The following F7 variants were observed in gnomAD, a reference collection of about 807,000 sequenced individuals.
The protein encoded by F7 is coagulation factor VII, also known as FVII coagulation protein.
Under a neutral mutation model 47.5 loss-of-function variants are expected in F7, and 38 were observed. The ratio of observed to expected loss-of-function variants is 0.80; its 90% CI spans 0.62 to 1.05. The LOEUF (loss-of-function observed/expected upper bound fraction) is 1.05, where lower values mean the gene tolerates loss of function less well. Ranked by LOEUF, F7 falls within the 50% of genes least tolerant of loss-of-function variation. The probability of loss-of-function intolerance (pLI) is 0.00; values close to 1 mark genes in which losing one functional copy is unlikely to be tolerated. For missense variants in F7, 575 were observed against 605.4 expected (o/e 0.95, Z 0.53); for synonymous variants, 244 against 258.5 (o/e 0.94, Z 0.54).
intron 1 of F7, chr13:113,110,403 GC>G (rs1316363817): frequency 5.2e-6 from 2 of 381,156 alleles, no homozygotes; most frequent in Admixed American, 1.0e-4. Context: ...CGTTTACGCG[GC>G]GGCGCCCGCA....
chr13:113,107,003 G>T, intron 1 of F7: 3 of 1,393,384 alleles, frequency 2.2e-6, no homozygotes, highest in Non-Finnish European at 3.0e-6. Flanking sequence ...AGCCCGCGGG[G>T]TGGCTACTGC....
rs1245134346 is a variant in F7, at chr13:113,120,108, A to G, written c.*1100A>G. 6.6e-6 allele frequency: 1 copy of G among 152,148 alleles called. No individual in the cohort carries two copies. The highest frequency in any genetic ancestry group is 2.4e-5 in the African/African-American group (1 of 41,438). 9.4% of individuals were successfully genotyped at this position (152,148 alleles called of 1,614,324 possible). On this transcript the variant is annotated 3_prime_UTR_variant, in exon 8 of 8. Transcript: ENST00000346342. ...ATGCTCTTTTCTTTCACAATTTTCA[A>G]CATCACTGAAATGAACCCTCACATG...
intron 1 of F7, chr13:113,110,402 G>C (rs1252052365): frequency 2.7e-6 from 1 of 376,444 alleles, no homozygotes; most frequent in Non-Finnish European, 4.8e-6. Context: ...ACGTTTACGC[G>C]GCGGCGCCCG....
Position 113,119,778 on chromosome 13 carries a change from G to A in F7, c.*770G>A, listed in dbSNP as rs3093253. On this transcript the variant is annotated 3_prime_UTR_variant, in exon 8 of 8. Coordinates refer to ENST00000346342, the MANE Select transcript of F7 (RefSeq NM_019616.4). ...ATGCACACACAGATGCACACACACC[G>A]ATGCTGACTCCATGTGTGCTGTCCT... is the stretch of plus-strand genomic sequence containing the variant. 0.12 allele frequency: 17,549 copies of A among 152,530 alleles called. 1,151 individuals carry two copies. The highest frequency in any genetic ancestry group is 0.27 in the South Asian group (1,322 of 4,850). 9.4% of individuals were successfully genotyped at this position (152,530 alleles called of 1,614,324 possible). A position where few individuals can be genotyped will look rare whatever the true frequency, so the allele number is the denominator to read the frequency against.
chr13:113,110,652 G>A (rs1360490143), intron 1 of F7, 38 bp from the exon 2 acceptor site: 3 of 1,547,240 alleles, frequency 1.9e-6, no homozygotes, highest in Admixed American at 2.0e-5. Context: ...ACTGGGCGGG[G>A]CACGCGGTGG....
rs749932188 is a variant in F7, at chr13:113,119,054, C to A, written c.*46C>A. On this transcript the variant is annotated 3_prime_UTR_variant, in exon 8 of 8. Transcript: ENST00000346342. ...GAGAGAAAGCCAAGGCTGCGTCGAACTGTCCTGGCACCAAATCCCATATAT... is the reference window on the plus strand; with the variant it reads ...GAGAGAAAGCCAAGGCTGCGTCGAAATGTCCTGGCACCAAATCCCATATAT... The A allele has an allele frequency of 4.6e-6, 7 of 1,505,856 alleles. No homozygotes were observed. The highest frequency in any genetic ancestry group is 6.3e-6 in the Non-Finnish European group (7 of 1,116,238). The allele number at this position is 1,505,856 out of a possible 1,614,324, so 93.3% of individuals were successfully genotyped here.
chr13:113,109,165 C>G (rs1400777158), intron 1 of F7, among the ~76,000 whole-genome samples: 2 of 63,056 alleles, frequency 3.2e-5, no homozygotes. Context: ...GTCCCGGGGG[C>G]GTGGGTATCC....
chr13:113,116,621 C>A, intron 5 of F7, 145 bp from the exon 6 acceptor site: 1 of 702,418 alleles, frequency 1.4e-6, no homozygotes, highest in East Asian at 2.7e-5. Context: ...TCCACCACCC[C>A]TGGGCCCTGG....
chr13:113,118,741 A>G lies in F7; in HGVS notation c.1068A>G (p.Gly356=), dbSNP rs142587242. 14 of 1,612,944 alleles carry G rather than the reference A, an allele frequency of 8.7e-6. No homozygotes were observed. Among genetic ancestry groups the G allele is most frequent in the Admixed American group, 3.3e-5 (2 of 59,976 alleles). ...GCCTGCAGCAGTCACGGAAGGTGGG[A>G]GACTCCCCAAATATCACGGAGTACA... is the stretch of plus-strand genomic sequence containing the variant. ...QDCLQQSRKV[G]DSPNITEYMF... Residue 356 remains glycine, a synonymous_variant, in exon 8 of 8, where the codon GGA becomes GGG. Coordinates refer to ENST00000346342, the MANE Select transcript of F7 (RefSeq NM_019616.4).
intron 1 of F7, chr13:113,110,484 G>A (rs1444340773): frequency 1.6e-6 from 1 of 620,256 alleles, no homozygotes; most frequent in Non-Finnish European, 2.7e-6. Flanking sequence ...GAAGCAGAGA[G>A]GCCAGGCCGG....
Position 113,110,803 on chromosome 13 carries a change from T to C in F7, c.178T>C (p.Cys60Arg), listed in dbSNP as rs745374448. Residue 60 changes from cysteine (C) to arginine (R), a missense_variant, in exon 2 of 8, where the codon TGC (cysteine) becomes CGC (arginine). Cys to Arg is a radical substitution (Grantham distance 180). Coordinates refer to ENST00000346342, the MANE Select transcript of F7 (RefSeq NM_019616.4). Reference protein sequence around the residue: ...SLERECKEEQCSFEEAREIFK... With the variant: ...SLERECKEEQRSFEEAREIFK... Reference sequence around the variant, plus strand: ...GGAGAGGGAGTGCAAGGAGGAGCAGTGCTCCTTCGAGGAGGCCCGGGAGAT... The same window carrying C: ...GGAGAGGGAGTGCAAGGAGGAGCAGCGCTCCTTCGAGGAGGCCCGGGAGAT... The C allele has an allele frequency of 5.8e-6, 9 of 1,557,118 alleles. No individual in the cohort carries two copies. The South Asian group carries it at 1.1e-4, about 18-fold the overall frequency.
rs567196732 is a variant in F7 at position 113,117,354 on chromosome 13, C to T, written c.616-119C>T. On this transcript the variant is annotated intron_variant, in intron 6 of 7. Coordinates refer to ENST00000346342, the MANE Select transcript of F7 (RefSeq NM_019616.4). ...TGCCTGGGAGGGATCTGCAAAGACC[C>T]CAGGATTTCAGAAAGAAATTGTGCA... 104 of 1,525,954 alleles carry T rather than the reference C, an allele frequency of 6.8e-5. No individual in the cohort carries two copies. In the African/African-American group the frequency reaches 9.3e-4, roughly 14 times the overall value. The allele number at this position is 1,525,954 out of a possible 1,614,324, so 94.5% of individuals were successfully genotyped here.
At chr13:113,114,222 G>A (rs937540330) in intron 4 of F7, among the ~76,000 whole-genome samples, 3 of 152,164 alleles carry the variant, frequency 2.0e-5, no homozygotes, top group Admixed American at 2.0e-4. Flanking sequence ...CCCTCGAGAT[G>A]GCCCAGCTGA....
At chr13:113,106,721 G>A in intron 1 of F7, 1 of 848,416 alleles carries the variant, frequency 1.2e-6, no homozygotes, top group Non-Finnish European at 1.9e-6. Context: ...GGCTAGTGGG[G>A]CGTGGGGATG....
Position 113,110,820 on chromosome 13 carries a change from C to G in F7, c.195C>G (p.Ala65=), listed in dbSNP as rs2036077893. 6.4e-7 allele frequency: 1 copy of G among 1,560,286 alleles called. No individual in the cohort carries two copies. The highest frequency in any genetic ancestry group is 8.7e-7 in the Non-Finnish European group (1 of 1,152,882). Residue 65 remains alanine (A), a synonymous_variant, in exon 2 of 8, where the codon GCC becomes GCG. Transcript: ENST00000346342. ...CKEEQCSFEE[A]REIFKDAERT... ...AGGAGCAGTGCTCCTTCGAGGAGGC[C>G]CGGGAGATCTTCAAGGACGCGGAGA...
Position 113,118,326 on chromosome 13 carries a change from C to T in F7, c.740-87C>T, listed in dbSNP as rs541980335. Reference sequence around the variant, plus strand: ...GAAGGAGACTGCAGCCCCTGCAGACCTAGAAATGGCCACAGCCCATCCCCA... The same window carrying T: ...GAAGGAGACTGCAGCCCCTGCAGACTTAGAAATGGCCACAGCCCATCCCCA... On this transcript the variant is annotated intron_variant, in intron 7 of 7. Coordinates refer to ENST00000346342, the MANE Select transcript of F7 (RefSeq NM_019616.4). 3.0e-5 allele frequency: 43 copies of T among 1,424,750 alleles called. No individual in the cohort carries two copies. The East Asian group carries it at 7.8e-4, about 26-fold the overall frequency. The allele number at this position is 1,424,750 out of a possible 1,614,324, so 88.3% of individuals were successfully genotyped here.
chr13:113,119,107 G>A lies in F7; in HGVS notation c.*99G>A. The A allele has an allele frequency of 9.3e-7, 1 of 1,071,744 alleles. No individual in the cohort carries two copies. Among genetic ancestry groups the A allele is most frequent in the South Asian group, 1.3e-5 (1 of 74,198 alleles). The allele number at this position is 1,071,744 out of a possible 1,614,324, so 66.4% of individuals were successfully genotyped here. On this transcript the variant is annotated 3_prime_UTR_variant, in exon 8 of 8. Transcript: ENST00000346342. ...TTCTGCAGTTAATGGGGTAGAGGAG[G>A]GCATGGGAGGGAGGGAGAGGTGGGG...
intron 1 of F7, among the ~76,000 whole-genome samples, chr13:113,106,202 G>C (rs1216774004): frequency 6.9e-6 from 1 of 144,778 alleles, no homozygotes; most frequent in Non-Finnish European, 1.5e-5. Context: ...CAAGCGCAGG[G>C]AGTCTGGGGC....
chr13:113,116,329 C>T lies in F7; in HGVS notation c.506-437C>T, dbSNP rs1443084073. 5.3e-5 allele frequency among the ~76,000 whole-genome samples: 8 copies of T among 152,224 alleles called. No individual in the cohort carries two copies. The East Asian group carries it at 7.7e-4, about 15-fold the overall frequency. On this transcript the variant is annotated intron_variant, in intron 5 of 7. Coordinates refer to ENST00000346342, the MANE Select transcript of F7 (RefSeq NM_019616.4). Reference sequence around the variant, plus strand: ...CCTGGGACTCAGCCTGCCACCTCCTCGGGCTTCCTTTCTGGCCCAAGACCT... The same window carrying T: ...CCTGGGACTCAGCCTGCCACCTCCTTGGGCTTCCTTTCTGGCCCAAGACCT...
Sources: allele counts gnomAD v4.1 joint callset (sites outside exome capture counted in the v4.1 genomes callset), GRCh38; gene constraint gnomAD v4.1.1; transcripts MANE v1.5; gene names NCBI Gene and HGNC (gene_info 2026-07-23, HGNC 2026-07-21).